Variants in CUBN observed in about 807,000 individuals in gnomAD.
CUBN encodes cubilin.
CUBN carries 282 observed loss-of-function variants against 405.3 expected under a neutral mutation model. The ratio of observed to expected loss-of-function variants is 0.70; its 90% CI spans 0.63 to 0.77. CUBN has a LOEUF of 0.77. Ranked by LOEUF, CUBN falls within the 30% of genes least tolerant of loss-of-function variation. CUBN has a pLI of 0.00. For missense variants in CUBN, 4,514 were observed against 4,475.2 expected, an observed-to-expected ratio of 1.01 and a Z score of -0.25; for synonymous variants, 1,684 against 1,617.0, an observed-to-expected ratio of 1.04 and a Z score of -0.99.
chr10:16,842,897 T>C (rs1207101274), intron 60 of CUBN, among the ~76,000 whole-genome samples: 1 of 152,194 alleles, frequency 6.6e-6, no homozygotes, highest in Non-Finnish European at 1.5e-5. Flanking sequence ...CCTGCTGCTC[T>C]TCCTTCCTCA....
chr10:17,026,841 C>T (rs2131798551), intron 27 of CUBN, among the ~76,000 whole-genome samples: 1 of 152,316 alleles, frequency 6.6e-6, no homozygotes, highest in African/African-American at 2.4e-5. Context: ...CCATAAGGCA[C>T]ATGGCCACTC....
chr10:17,077,480 C>T (rs879408042), intron 17 of CUBN, among the ~76,000 whole-genome samples: 4 of 152,194 alleles, frequency 2.6e-5, no homozygotes, highest in Non-Finnish European at 5.9e-5. Flanking sequence ...TACGCACGCT[C>T]ATTTGTCTTC....
At chr10:17,073,698 G>A (rs918010385) in intron 17 of CUBN, among the ~76,000 whole-genome samples, 4 of 150,354 alleles carry the variant, frequency 2.7e-5, no homozygotes, top group African/African-American at 1.0e-4. Context: ...CACCCACCTC[G>A]GACTCCCAAA....
rs374394291 is a variant in CUBN at position 16,913,794 on chromosome 10, C to T, written c.7533+17G>A. 6.3e-4 allele frequency: 1,023 copies of T among 1,612,444 alleles called. 1 individual carries two copies. Among genetic ancestry groups the T allele is most frequent in the Non-Finnish European group, 8.1e-4 (956 of 1,179,800 alleles). On this transcript the variant is annotated intron_variant, in intron 48 of 66. Transcript: ENST00000377833. Reference sequence around the variant, plus strand: ...AAATGATGGAATATAACATCTCAGGCGGCAGGGAACACTTACTATCACATG... The same window carrying T: ...AAATGATGGAATATAACATCTCAGGTGGCAGGGAACACTTACTATCACATG...
At chr10:17,073,532 T>A (rs1414215501) in intron 17 of CUBN, among the ~76,000 whole-genome samples, 1 of 149,596 alleles carries the variant, frequency 6.7e-6, no homozygotes, top group Non-Finnish European at 1.5e-5. Context: ...CCGCAACCTC[T>A]GCCTCCTGGG....
chr10:17,014,726 T>C (rs1339153868), intron 28 of CUBN, among the ~76,000 whole-genome samples: 4 of 152,154 alleles, frequency 2.6e-5, no homozygotes, highest in Non-Finnish European at 5.9e-5. Context: ...AAGTAAATCA[T>C]CCACATATTG....
At position 17,115,568 on chromosome 10, in the gene CUBN, G is replaced by C. The variant is rs1836873418; in HGVS notation, c.623C>G (p.Pro208Arg). The C allele has an allele frequency of 1.2e-6, 2 of 1,614,150 alleles. No homozygotes were observed. Among genetic ancestry groups the C allele is most frequent in the African/African-American group, 1.3e-5 (1 of 75,036 alleles). ...GTCGTCATATTTGGATGCACACTGGGGTCCGTACGTCTCAGGTGGGCAGTG... is the reference window on the plus strand; with the variant it reads ...GTCGTCATATTTGGATGCACACTGGCGTCCGTACGTCTCAGGTGGGCAGTG... ...SCHCPPETYG[P>R]QCASKYDDCE... The change falls in exon 7 of 67, where the codon CCC (proline) becomes CGC (arginine). Residue 208 changes from proline (P) to arginine (R), a missense_variant. Physicochemically the swap from Pro to Arg is moderately radical, Grantham distance 103. This residue lies in a region of CUBN where 1,448 missense variants were observed against 1,388.0 expected (regional missense o/e 1.04). Transcript: ENST00000377833.
intron 13 of CUBN, among the ~76,000 whole-genome samples, chr10:17,100,877 CAAG>C (rs1397894418): frequency 6.6e-6 from 1 of 151,928 alleles, no homozygotes; most frequent in Non-Finnish European, 1.5e-5. Flanking sequence ...ACTGAGCATA[CAAG>C]AATAACAGGA....
At chr10:17,114,775 T>TA (rs2131313061) in intron 7 of CUBN, among the ~76,000 whole-genome samples, 1 of 152,274 alleles carries the variant, frequency 6.6e-6, no homozygotes, top group East Asian at 1.9e-4. Context: ...AGTGGGCTCT[T>TA]AGAGTCTGCA....
rs57009841 is a variant in CUBN, at chr10:16,889,953, A to AAAAAAAAAAAAAAAAAAAAAAAAAAAG, written c.8755+417_8755+418insCTTTTTTTTTTTTTTTTTTTTTTTTTT. Among the ~76,000 whole-genome samples the AAAAAAAAAAAAAAAAAAAAAAAAAAAG allele has an allele frequency of 1.4e-4, 16 of 118,026 alleles. 4 individuals are homozygous for AAAAAAAAAAAAAAAAAAAAAAAAAAAG. The highest frequency in any genetic ancestry group is 5.9e-4 in the African/African-American group (14 of 23,884). 77.4% of individuals were successfully genotyped at this position (118,026 alleles called of 152,430 possible). A position where few individuals can be genotyped will look rare whatever the true frequency, so the allele number is the denominator to read the frequency against. On this transcript the variant is annotated intron_variant, in intron 55 of 66. Transcript: ENST00000377833. ...GCCGTGTCAAAAAAAAAAAAAAAAA[A>AAAAAAAAAAAAAAAAAAAAAAAAAAAG]CAGGAAAGACTTCGTCATGGAAATT...
intron 56 of CUBN, among the ~76,000 whole-genome samples, chr10:16,884,225 G>A (rs778388504): frequency 7.9e-5 from 12 of 152,046 alleles, no homozygotes; most frequent in Non-Finnish European, 5.9e-5. Flanking sequence ...CTCATGATCC[G>A]CCCACCTCGG....
At chr10:16,952,976 C>T (rs1226584213) in intron 32 of CUBN, among the ~76,000 whole-genome samples, 1 of 152,148 alleles carries the variant, frequency 6.6e-6, no homozygotes, top group African/African-American at 2.4e-5. Flanking sequence ...TCTATAGAGG[C>T]TCAGCTGGAG....
At chr10:17,069,461 G>A (rs1018191114) in intron 19 of CUBN, among the ~76,000 whole-genome samples, 2 of 148,382 alleles carry the variant, frequency 1.3e-5, no homozygotes, top group East Asian at 2.0e-4. Flanking sequence ...AGTGTATAAA[G>A]GTTCCAATTT....
At chr10:17,085,192 A>G (rs12416115) in intron 16 of CUBN, among the ~76,000 whole-genome samples, 21,051 of 152,166 alleles carry the variant, frequency 0.14, 2,640 homozygotes, top group African/African-American at 0.33. Flanking sequence ...AGAGTCTGGG[A>G]CACTGTGATG....
intron 54 of CUBN, among the ~76,000 whole-genome samples, chr10:16,898,742 G>T (rs998274837): frequency 8.6e-5 from 13 of 152,034 alleles, no homozygotes; most frequent in African/African-American, 3.1e-4. Flanking sequence ...AATTTTTGTG[G>T]CATGCTTTAA....
At chr10:17,115,318 C>T (rs1369986339) in intron 7 of CUBN, among the ~76,000 whole-genome samples, 153 bp downstream of exon 7, 3 of 151,794 alleles carry the variant, frequency 2.0e-5, no homozygotes, top group African/African-American at 7.3e-5. Flanking sequence ...CTGCATAGTT[C>T]ATCTCCCCTC....
chr10:17,104,292 CTT>C (rs943611259), intron 12 of CUBN, 125 bp downstream of exon 12: 1 of 763,814 alleles, frequency 1.3e-6, no homozygotes. Flanking sequence ...CAAGGAAAGA[CTT>C]AGTTCTCAGT....
chr10:17,015,465 G>A (rs1482077974), intron 28 of CUBN, among the ~76,000 whole-genome samples: 6 of 152,220 alleles, frequency 3.9e-5, no homozygotes, highest in South Asian at 2.1e-4. Flanking sequence ...AACTGAGGAG[G>A]TAGGAGAAAT....
intron 55 of CUBN, among the ~76,000 whole-genome samples, chr10:16,889,117 A>G (rs1276245647): frequency 1.3e-5 from 2 of 152,240 alleles, no homozygotes; most frequent in Non-Finnish European, 2.9e-5. Context: ...TCTTTTCACC[A>G]CTAAAATGAT....
Sources: gnomAD v4.1 joint callset for allele counts (sites outside exome capture counted in the v4.1 genomes callset) on GRCh38, gnomAD v4.1.1 for gene constraint, gnomAD v4.1.1 regional missense constraint, MANE v1.5 for transcripts, NCBI Gene and HGNC (gene_info 2026-07-23, HGNC 2026-07-21) for gene names.